PDE7B: variants seen among roughly 807,000 people sequenced by gnomAD.
PDE7B encodes the protein 3',5'-cyclic-AMP phosphodiesterase 7B.
PDE7B carries 29 observed loss-of-function variants against 56.2 expected under a neutral mutation model. The ratio of observed to expected loss-of-function variants is 0.52; its 90% CI spans 0.38 to 0.70. The LOEUF is 0.70. PDE7B is among the 30% of genes least tolerant of loss of function. The pLI, the probability that PDE7B is intolerant of heterozygous loss-of-function variation, is 0.00. For synonymous variants in PDE7B, 197 were observed against 196.9 expected, an observed-to-expected ratio of 1.00 and a Z score of 0.00; for missense variants, 490 against 565.0, an observed-to-expected ratio of 0.87 and a Z score of 1.35.
intron 2 of PDE7B, among the ~76,000 whole-genome samples, chr6:136,040,351 A>G (rs1030220035): frequency 6.6e-6 from 1 of 152,238 alleles, no homozygotes; most frequent in Non-Finnish European, 1.5e-5. Flanking sequence ...TGGAATGGGC[A>G]TAAAACCTTT....
intron 11 of PDE7B, among the ~76,000 whole-genome samples, chr6:136,184,690 G>A (rs74758432): frequency 0.023 from 3,495 of 152,282 alleles, 227 homozygotes; most frequent in Admixed American, 0.12. Flanking sequence ...CCAGGCTACA[G>A]TAGAGAACAT....
intron 2 of PDE7B, among the ~76,000 whole-genome samples, chr6:136,068,704 T>C (rs1690117302): frequency 6.6e-6 from 1 of 152,140 alleles, no homozygotes; most frequent in African/African-American, 2.4e-5. Flanking sequence ...GTGCTGGGAT[T>C]ACAGGCGTGA....
chr6:135,889,169 A>G (rs1775762059), intron 1 of PDE7B, among the ~76,000 whole-genome samples: 1 of 152,160 alleles, frequency 6.6e-6, no homozygotes, highest in Admixed American at 6.5e-5. Context: ...AGGTTTGAAT[A>G]CAATGACCCA....
intron 2 of PDE7B, among the ~76,000 whole-genome samples, chr6:136,035,692 T>TC (rs1776315453): frequency 6.6e-6 from 1 of 152,192 alleles, no homozygotes; most frequent in South Asian, 2.1e-4. Context: ...TGGCCCTGAC[T>TC]CATCTCCACT....
intron 2 of PDE7B, among the ~76,000 whole-genome samples, chr6:136,108,050 T>C (rs1583885110): frequency 6.9e-6 from 1 of 145,340 alleles, no homozygotes; most frequent in East Asian, 2.0e-4. Flanking sequence ...TCGCTTGAAC[T>C]CGGGAGTCAG....
chr6:135,935,164 A>G (rs1774390966), intron 1 of PDE7B, among the ~76,000 whole-genome samples: 1 of 90,000 alleles, frequency 1.1e-5, no homozygotes, highest in Non-Finnish European at 1.9e-5. Context: ...TATATGAGAC[A>G]GAGAATTTTA....
chr6:135,919,386 C>G (rs774627719), intron 1 of PDE7B, among the ~76,000 whole-genome samples: 1 of 152,276 alleles, frequency 6.6e-6, no homozygotes, highest in Middle Eastern at 3.4e-3. Context: ...TCTTGAAGAA[C>G]TTTGCTAAGA....
chr6:136,186,065 G>C (rs1157521704), intron 11 of PDE7B, among the ~76,000 whole-genome samples: 2 of 151,048 alleles, frequency 1.3e-5, no homozygotes, highest in Non-Finnish European at 3.0e-5. Context: ...GGAAAGTAAG[G>C]GCAAAAAAAA....
At chr6:135,863,254 C>T (rs1469718607) in intron 1 of PDE7B, among the ~76,000 whole-genome samples, 1 of 151,940 alleles carries the variant, frequency 6.6e-6, no homozygotes, top group Admixed American at 6.6e-5. Context: ...AAAACTTCCT[C>T]ATGATTGAGA....
chr6:136,102,831 T>C (rs925213727), intron 2 of PDE7B, among the ~76,000 whole-genome samples: 1 of 152,178 alleles, frequency 6.6e-6, no homozygotes, highest in African/African-American at 2.4e-5. Context: ...TATTTACATA[T>C]TCACTTTTCA....
chr6:136,047,063 A>G (rs150538803), intron 2 of PDE7B, among the ~76,000 whole-genome samples: 3 of 152,236 alleles, frequency 2.0e-5, no homozygotes, highest in East Asian at 3.9e-4. Context: ...TCTATCACAC[A>G]CTGGTTAAGT....
chr6:135,907,807 A>C (rs1226558754), intron 1 of PDE7B, among the ~76,000 whole-genome samples: 1 of 152,204 alleles, frequency 6.6e-6, no homozygotes, highest in Non-Finnish European at 1.5e-5. Context: ...GAAAACCTTA[A>C]TAAAGACAGA....
intron 1 of PDE7B, among the ~76,000 whole-genome samples, chr6:135,870,285 T>C (rs1000737657): frequency 6.6e-6 from 1 of 152,204 alleles, no homozygotes; most frequent in Admixed American, 6.5e-5. Flanking sequence ...TTCCAGATTC[T>C]GGAGCTGGGC....
chr6:136,038,425 G>A (rs1267067869), intron 2 of PDE7B: 1 of 1,290,556 alleles, frequency 7.7e-7, no homozygotes, highest in Non-Finnish European at 1.0e-6. Flanking sequence ...ACTTGCCAGA[G>A]ATGATCAGGA....
rs556172530 is a variant in PDE7B at position 135,899,815 on chromosome 6, A to G, written c.22-47649A>G. Among the ~76,000 whole-genome samples, 383 of 152,278 alleles carry G rather than the reference A, an allele frequency of 2.5e-3. 6 individuals are homozygous for G. The highest frequency in any genetic ancestry group is 0.021 in the South Asian group (101 of 4,832). On this transcript the variant is annotated intron_variant, in intron 1 of 12. Transcript: ENST00000308191. Reference sequence around the variant, plus strand: ...ACACCCATGGGTAGTATATTTTCAAAGTCATTGCACATATGATAAAATCTT... The same window carrying G: ...ACACCCATGGGTAGTATATTTTCAAGGTCATTGCACATATGATAAAATCTT...
chr6:135,918,793 G>A (rs919700708), intron 1 of PDE7B, among the ~76,000 whole-genome samples: 1 of 152,108 alleles, frequency 6.6e-6, no homozygotes. Flanking sequence ...ATTTATGCGT[G>A]GACAGGGATT....
Position 135,861,473 on chromosome 6 carries a change from C to A in PDE7B, c.21+9454C>A, listed in dbSNP as rs1044198234. Reference sequence around the variant, plus strand: ...TGTAAATATCTTTTTTGTCAAGTCTCTGATCAAGTTATTTTGTATATTTAT... The same window carrying A: ...TGTAAATATCTTTTTTGTCAAGTCTATGATCAAGTTATTTTGTATATTTAT... On this transcript the variant is annotated intron_variant, in intron 1 of 12. Transcript: ENST00000308191. Among the ~76,000 whole-genome samples the A allele has an allele frequency of 4.7e-5, 7 of 150,400 alleles. No individual in the cohort carries two copies. In the Admixed American group the frequency reaches 4.7e-4, roughly 10 times the overall value.
At chr6:135,880,580 C>T (rs148536000) in intron 1 of PDE7B, among the ~76,000 whole-genome samples, 194 of 152,246 alleles carry the variant, frequency 1.3e-3, no homozygotes, top group Middle Eastern at 6.8e-3. Flanking sequence ...TTGAAAGCAA[C>T]GCTTGAAAGC....
At chr6:135,934,853 A>G (rs1367252562) in intron 1 of PDE7B, among the ~76,000 whole-genome samples, 2 of 94,784 alleles carry the variant, frequency 2.1e-5, no homozygotes, top group Non-Finnish European at 4.2e-5. Flanking sequence ...TTATTTAAAT[A>G]AATATATATA....
Sources: gnomAD v4.1 joint callset for allele counts (sites outside exome capture counted in the v4.1 genomes callset) on GRCh38, gnomAD v4.1.1 for gene constraint, MANE v1.5 for transcripts, NCBI Gene and HGNC (gene_info 2026-07-23, HGNC 2026-07-21) for gene names.